The following UBA2 variants were observed in gnomAD, a reference collection of about 807,000 sequenced individuals.
UBA2 encodes ubiquitin like modifier activating enzyme 2.
In UBA2, 11 loss-of-function variants were observed where a neutral mutation model predicts 77.2. The ratio of observed to expected loss-of-function variants is 0.14; its 90% CI spans 0.09 to 0.24. UBA2 has a LOEUF of 0.24. Ranked by LOEUF, UBA2 falls within the 10% of genes least tolerant of loss-of-function variation. The pLI, the probability that UBA2 is intolerant of heterozygous loss-of-function variation, is 1.00. For missense variants in UBA2, 487 were observed against 781.7 expected (o/e 0.62, Z 4.50); for synonymous variants, 278 against 276.7 (o/e 1.00, Z -0.05).
At chr19:34,458,330 C>T (rs1003288606) in intron 12 of UBA2, among the ~76,000 whole-genome samples, 4 of 151,542 alleles carry the variant, frequency 2.6e-5, no homozygotes, top group African/African-American at 4.8e-5. Context: ...CCGAGGCGGG[C>T]GGATCACGAG....
intron 13 of UBA2, among the ~76,000 whole-genome samples, chr19:34,459,400 C>G (rs117084290): frequency 6.6e-6 from 1 of 152,098 alleles, no homozygotes; most frequent in Non-Finnish European, 1.5e-5. Flanking sequence ...GCGTGTTGGA[C>G]AGTGCCCACT....
intron 12 of UBA2, among the ~76,000 whole-genome samples, chr19:34,457,058 A>G (rs1308889289): frequency 6.0e-5 from 9 of 149,226 alleles, no homozygotes; most frequent in African/African-American, 9.9e-5. Flanking sequence ...GCCGGGCACG[A>G]TGGCTCACAC....
chr19:34,428,493 C>G lies in UBA2; in HGVS notation c.61C>G (p.Leu21Val), dbSNP rs1470502868. The change falls in exon 1 of 17, where the codon CTG becomes GTG. Residue 21 changes from leucine (L) to valine (V), a missense_variant. By Grantham distance (32) the Leu-to-Val change is conservative. Transcript: ENST00000246548. ...TGAGGCGGTGGCCGGGGGCCGGGTG[C>G]TGGTGGTGGGGGCGGGCGGCATCGG... ...LAEAVAGGRV[L>V]VVGAGGIGCE... 7.7e-7 allele frequency: 1 copy of G among 1,299,482 alleles called. No homozygotes were observed. 80.5% of individuals were successfully genotyped at this position (1,299,482 alleles called of 1,614,324 possible).
At chr19:34,444,694 C>A (rs1290847602) in intron 7 of UBA2, among the ~76,000 whole-genome samples, 2 of 152,194 alleles carry the variant, frequency 1.3e-5, no homozygotes, top group East Asian at 3.9e-4. Context: ...GTAGTCCCAA[C>A]TACTTGTGAG....
In UBA2 at chr19:34,469,005, TACC is replaced by T. The variant is rs761740909; in HGVS notation, c.1742-34_1742-32del. Reference sequence around the variant, plus strand: ...TGAGCACAGGTAACTCCCACGCTTTTACCCATTTTCTTTTTCCCTTTTTTCTGA... The same window carrying T: ...TGAGCACAGGTAACTCCCACGCTTTTCATTTTCTTTTTCCCTTTTTTCTGA... On this transcript the variant is annotated intron_variant, in intron 16 of 16. Transcript: ENST00000246548. 28 of 1,566,128 alleles carry T rather than the reference TACC, an allele frequency of 1.8e-5. No individual in the cohort carries two copies. The East Asian group carries it at 6.3e-4, about 35-fold the overall frequency.
rs1181261398 is a variant in UBA2, at chr19:34,470,688, A to T, written c.*1467A>T. On this transcript the variant is annotated 3_prime_UTR_variant, in exon 17 of 17. Transcript: ENST00000246548. Reference sequence around the variant, plus strand: ...CAGGCGCCCTCCACCACGCTCAGCTAATTTTTTGTATTTTTAGTAGAGATG... The same window carrying T: ...CAGGCGCCCTCCACCACGCTCAGCTTATTTTTTGTATTTTTAGTAGAGATG... The T allele has an allele frequency of 4.0e-5, 6 of 151,836 alleles. No individual in the cohort carries two copies. The highest frequency in any genetic ancestry group is 1.4e-4 in the African/African-American group (6 of 41,386). 9.4% of individuals were successfully genotyped at this position (151,836 alleles called of 1,614,324 possible).
intron 5 of UBA2, among the ~76,000 whole-genome samples, chr19:34,435,598 GGT>G (rs1367848327): frequency 6.6e-6 from 1 of 152,044 alleles, no homozygotes; most frequent in Non-Finnish European, 1.5e-5. Flanking sequence ...GGGAGGCTGA[GGT>G]AGGCAGATGA....
rs773178552 is a variant in UBA2, at chr19:34,451,536, G to GTTT, written c.872-418_872-416dup. Among the ~76,000 whole-genome samples the GTTT allele has an allele frequency of 5.2e-3, 327 of 62,976 alleles. 54 individuals are homozygous for GTTT. The highest frequency in any genetic ancestry group is 6.8e-3 in the African/African-American group (109 of 15,952). The allele number at this position is 62,976 out of a possible 152,430, so 41.3% of individuals were successfully genotyped here. A position where few individuals can be genotyped will look rare whatever the true frequency, so the allele number is the denominator to read the frequency against. ...TACCTTTCCTATCTCAGGTTTAACA[G>GTTT]TTTTTTTTTTTTTTTTTTTTTTTTT... On this transcript the variant is annotated intron_variant, in intron 9 of 16. Coordinates refer to ENST00000246548, the MANE Select transcript of UBA2 (RefSeq NM_005499.3).
chr19:34,430,478 C>A, intron 1 of UBA2, 98 bp from the exon 2 acceptor site: 1 of 773,426 alleles, frequency 1.3e-6, no homozygotes, highest in Non-Finnish European at 2.1e-6. Context: ...ACTAATGTAG[C>A]AGATATCAAA....
At chr19:34,432,047 T>C (rs2075262322) in intron 3 of UBA2, 116 bp downstream of exon 3, 2 of 726,626 alleles carry the variant, frequency 2.8e-6, no homozygotes, top group Non-Finnish European at 4.4e-6. Flanking sequence ...TATTAAACAG[T>C]GGTGGTTTCT....
intron 14 of UBA2, among the ~76,000 whole-genome samples, chr19:34,460,824 G>GGA (rs1332281730): frequency 6.6e-6 from 1 of 152,118 alleles, no homozygotes; most frequent in African/African-American, 2.4e-5. Context: ...ATGGATCCTG[G>GGA]GAGCTAACCT....
In UBA2 at chr19:34,455,667, G is replaced by A. The variant is rs560878446; in HGVS notation, c.1245+1111G>A. 8.5e-5 allele frequency among the ~76,000 whole-genome samples: 13 copies of A among 152,052 alleles called. No homozygotes were observed. In the East Asian group the frequency reaches 1.4e-3, roughly 16 times the overall value. On this transcript the variant is annotated intron_variant, in intron 12 of 16. Transcript: ENST00000246548. ...CTTACTTTTTTTTATCTTTTGAGAC[G>A]GAGTCTAGCTCTGTTGCCCAGGCTG... is the stretch of plus-strand genomic sequence containing the variant.
chr19:34,468,652 G>A (rs2075711157), intron 16 of UBA2, among the ~76,000 whole-genome samples: 1 of 152,196 alleles, frequency 6.6e-6, no homozygotes, highest in South Asian at 2.1e-4. Context: ...GATTAAATGA[G>A]TTGTCATATG....
At chr19:34,434,248 C>G (rs1477480839) in intron 4 of UBA2, among the ~76,000 whole-genome samples, 2 of 152,142 alleles carry the variant, frequency 1.3e-5, no homozygotes, top group East Asian at 1.9e-4. Context: ...AGTAGCTACT[C>G]TGCAGACAGG....
chr19:34,433,575 A>G (rs2075278095), intron 4 of UBA2, among the ~76,000 whole-genome samples, 163 bp downstream of exon 4: 1 of 152,238 alleles, frequency 6.6e-6, no homozygotes, highest in Non-Finnish European at 1.5e-5. Flanking sequence ...TTTTATATAG[A>G]AATGACTTAT....
chr19:34,457,442 G>A (rs2075580531), intron 12 of UBA2, among the ~76,000 whole-genome samples: 1 of 151,796 alleles, frequency 6.6e-6, no homozygotes, highest in African/African-American at 2.4e-5. Flanking sequence ...ATTAATGTTA[G>A]CCCAGGTATT....
At chr19:34,456,106 C>CTTTTTT (rs869130576) in intron 12 of UBA2, among the ~76,000 whole-genome samples, 11 of 73,658 alleles carry the variant, frequency 1.5e-4, no homozygotes, top group African/African-American at 3.5e-4. Flanking sequence ...TTTTCTTTTT[C>CTTTTTT]TTTTTTTTTT....
rs869118014 is a variant in UBA2, at chr19:34,456,100, C to CTTTTTTTTTTTTTT, written c.1245+1549_1245+1550insTTTTTTTTTTTTTT. ...CCCGATGCGCTCTTTTTTTCCTTTT[C>CTTTTTTTTTTTTTT]TTTTTCTTTTTTTTTTTTTTTTTTG... On this transcript the variant is annotated intron_variant, in intron 12 of 16. Coordinates refer to ENST00000246548, the MANE Select transcript of UBA2 (RefSeq NM_005499.3). 6.2e-3 allele frequency among the ~76,000 whole-genome samples: 348 copies of CTTTTTTTTTTTTTT among 55,784 alleles called. 79 individuals are homozygous for CTTTTTTTTTTTTTT. Among genetic ancestry groups the CTTTTTTTTTTTTTT allele is most frequent in the East Asian group, 0.034 (60 of 1,774 alleles). 36.6% of individuals were successfully genotyped at this position (55,784 alleles called of 152,430 possible). A position where few individuals can be genotyped will look rare whatever the true frequency, so the allele number is the denominator to read the frequency against.
intron 14 of UBA2, among the ~76,000 whole-genome samples, chr19:34,461,081 TAGTA>T (rs2075626024): frequency 6.6e-6 from 1 of 152,256 alleles, no homozygotes; most frequent in Non-Finnish European, 1.5e-5. Context: ...GAAGCTTTCA[TAGTA>T]AGGATTGCAT....
Sources: gnomAD v4.1 joint callset for allele counts (sites outside exome capture counted in the v4.1 genomes callset) on GRCh38, gnomAD v4.1.1 for gene constraint, MANE v1.5 for transcripts, NCBI Gene and HGNC (gene_info 2026-07-23, HGNC 2026-07-21) for gene names.